Variants in NTRK1 observed in about 807,000 individuals in gnomAD.
NTRK1 encodes the protein neurotrophic receptor tyrosine kinase 1, also known as high affinity nerve growth factor receptor.
A neutral mutation model predicts 86.8 loss-of-function variants in NTRK1; 62 were observed. The ratio of observed to expected loss-of-function variants is 0.71; its 90% CI spans 0.58 to 0.88. The LOEUF (loss-of-function observed/expected upper bound fraction) is 0.88, where lower values mean the gene tolerates loss of function less well. NTRK1 is among the 40% of genes least tolerant of loss of function. NTRK1 has a pLI of 0.00. For synonymous variants in NTRK1, 469 were observed against 456.6 expected (o/e 1.03, Z -0.35); for missense variants, 967 against 1,078.4 (o/e 0.90, Z 1.45).
chr1:156,869,074 TCCTTCCTTC>T (rs1425533728), intron 6 of NTRK1, among the ~76,000 whole-genome samples: 1 of 149,302 alleles, frequency 6.7e-6, no homozygotes, highest in Non-Finnish European at 1.5e-5. Flanking sequence ...CTTCCTTCCT[TCCTTCCTTC>T]CTTCCTTTTA....
At chr1:156,842,406 C>T (rs1165228929) in intron 2 of NTRK1, 3 of 1,613,904 alleles carry the variant, frequency 1.9e-6, no homozygotes, top group Admixed American at 3.3e-5. Flanking sequence ...ACCTCTGCCT[C>T]AGGCCGCAAA....
intron 2 of NTRK1, chr1:156,846,649 C>T: frequency 1.2e-6 from 2 of 1,614,162 alleles, no homozygotes; most frequent in Non-Finnish European, 1.7e-6. Context: ...AGGCTAGGGT[C>T]ACCCCTGGCT....
chr1:156,864,976 G>A (rs1013188346), intron 3 of NTRK1, 177 bp downstream of exon 3: 14 of 673,916 alleles, frequency 2.1e-5, no homozygotes, highest in East Asian at 5.5e-5. Context: ...GCATGCTCTC[G>A]CCCCTGACAG....
At chr1:156,815,848 A>G in intron 1 of NTRK1, 3 of 1,614,092 alleles carry the variant, frequency 1.9e-6, no homozygotes, top group Non-Finnish European at 2.5e-6. Context: ...GGTACTCCTC[A>G]TTTTCGTTCT....
At chr1:156,825,755 G>T (rs1241494823) in intron 1 of NTRK1, among the ~76,000 whole-genome samples, 1 of 152,196 alleles carries the variant, frequency 6.6e-6, no homozygotes, top group Non-Finnish European at 1.5e-5. Flanking sequence ...TGAACCTGGG[G>T]CTTCCAATTT....
chr1:156,875,435 G>A (rs2102914660), intron 11 of NTRK1, 85 bp from the exon 12 acceptor site: 1 of 1,559,642 alleles, frequency 6.4e-7, no homozygotes, highest in Non-Finnish European at 8.8e-7. Context: ...GTTACAAGGT[G>A]GGGGTGACCA....
At chr1:156,826,451 C>T (rs893659994) in intron 1 of NTRK1, among the ~76,000 whole-genome samples, 19 of 152,060 alleles carry the variant, frequency 1.2e-4, no homozygotes, top group Admixed American at 3.9e-4. Context: ...CAGGTGTCCA[C>T]CACTGTGCCC....
At chr1:156,861,202 C>T in intron 1 of NTRK1, 56 bp downstream of exon 1, 1 of 1,516,962 alleles carries the variant, frequency 6.6e-7, no homozygotes, top group Non-Finnish European at 8.8e-7. Context: ...TTGCAGTGCC[C>T]CGAGGGCGCG....
At chr1:156,845,533 A>G in intron 2 of NTRK1, 1 of 728,024 alleles carries the variant, frequency 1.4e-6, no homozygotes, top group Non-Finnish European at 1.9e-6. Flanking sequence ...GCAAGGCCCC[A>G]CCCACAAACC....
chr1:156,835,807 G>A (rs1558079883), intron 1 of NTRK1, among the ~76,000 whole-genome samples: 2 of 152,118 alleles, frequency 1.3e-5, no homozygotes, highest in Non-Finnish European at 2.9e-5. Flanking sequence ...TCAGCTCTTG[G>A]CCTTCCAGCA....
intron 1 of NTRK1, among the ~76,000 whole-genome samples, chr1:156,829,020 A>G (rs1263012517): frequency 6.6e-6 from 1 of 152,246 alleles, no homozygotes; most frequent in Non-Finnish European, 1.5e-5. Flanking sequence ...TGGCAGTGCC[A>G]GGCCCTGGGG....
chr1:156,850,713 C>A (rs185519487), intron 2 of NTRK1, among the ~76,000 whole-genome samples: 1 of 151,608 alleles, frequency 6.6e-6, no homozygotes, highest in African/African-American at 2.4e-5. Context: ...TGCCACCATG[C>A]CCATCTACTT....
chr1:156,827,773 C>A (rs1318032502), intron 1 of NTRK1, among the ~76,000 whole-genome samples: 1 of 152,122 alleles, frequency 6.6e-6, no homozygotes, highest in Non-Finnish European at 1.5e-5. Flanking sequence ...GACTATGAAC[C>A]TGAAATGGTC....
rs756943226 is a variant in NTRK1, at chr1:156,854,106, G to T, written c.51-10248G>T. 7 of 1,613,950 alleles carry T rather than the reference G, an allele frequency of 4.3e-6. No individual in the cohort carries two copies. The highest frequency in any genetic ancestry group is 1.7e-5 in the Admixed American group (1 of 60,018). On this transcript the variant is annotated intron_variant, in intron 2 of 16. Transcript: ENST00000392302. The surrounding 1 kb of genome is among the most constrained non-coding windows in gnomAD (Gnocchi z 4.2). ...ACTGCTAGGTTGGGGAAGAGGTCGCGCAGGCTCTCCAGTCCGTAGACACGG... is the reference window on the plus strand; with the variant it reads ...ACTGCTAGGTTGGGGAAGAGGTCGCTCAGGCTCTCCAGTCCGTAGACACGG...
chr1:156,857,157 CTGTGTATGTGTGTGTG>C (rs1472456633), upstream of NTRK1, among the ~76,000 whole-genome samples: 13 of 121,388 alleles, frequency 1.1e-4, no homozygotes, highest in East Asian at 2.3e-3. Context: ...TGCCCAGCAG[CTGTGTATGTGTGTGTG>C]TGTGTGTGTG....
chr1:156,839,701 G>A (rs2102849942), intron 1 of NTRK1, among the ~76,000 whole-genome samples: 1 of 152,298 alleles, frequency 6.6e-6, no homozygotes, highest in Admixed American at 6.5e-5. Context: ...CTTAAAGTCT[G>A]TCCTATGACA....
intron 1 of NTRK1, chr1:156,840,834 G>A (rs767099671): frequency 4.0e-6 from 6 of 1,511,710 alleles, no homozygotes; most frequent in African/African-American, 2.7e-5. Context: ...GTCCCTTCCT[G>A]TCTCCCCATG....
intron 14 of NTRK1, 41 bp downstream of exon 14, chr1:156,876,613 T>G (rs1647935423): frequency 5.0e-6 from 8 of 1,584,192 alleles, no homozygotes; most frequent in Non-Finnish European, 6.9e-6. Flanking sequence ...GGCCCCTGGC[T>G]CTGGGCCCCG....
chr1:156,850,104 G>A (rs1655150072), intron 2 of NTRK1, among the ~76,000 whole-genome samples: 1 of 152,102 alleles, frequency 6.6e-6, no homozygotes. Context: ...GTTTCACCAT[G>A]TTGCCCAGGC....
Sources: gnomAD v4.1 joint callset for allele counts (sites outside exome capture counted in the v4.1 genomes callset) on GRCh38, gnomAD v4.1.1 for gene constraint, Gnocchi (gnomAD v3.1) non-coding constraint, MANE v1.5 for transcripts, NCBI Gene and HGNC (gene_info 2026-07-23, HGNC 2026-07-21) for gene names.